Variants in OSBPL5 observed in about 807,000 individuals in gnomAD.
OSBPL5 encodes oxysterol-binding protein-related protein 5.
A neutral mutation model predicts 111.2 loss-of-function variants in OSBPL5; 71 were observed. That is an observed-to-expected ratio of 0.64 (90% CI 0.53 to 0.78). The LOEUF (loss-of-function observed/expected upper bound fraction) is 0.78, where lower values mean the gene tolerates loss of function less well. Among genes scored for constraint, OSBPL5 ranks in the 30% least tolerant of loss-of-function variants. OSBPL5 has a pLI of 0.00. For synonymous variants in OSBPL5, 549 were observed against 513.9 expected (o/e 1.07, Z -0.93); for missense variants, 1,210 against 1,189.3 (o/e 1.02, Z -0.26).
Position 3,090,586 on chromosome 11 carries a change from G to A in OSBPL5, c.2370C>T (p.Asp790=), listed in dbSNP as rs764853697. 7.4e-6 allele frequency: 12 copies of A among 1,612,954 alleles called. No individual in the cohort carries two copies. Among genetic ancestry groups the A allele is most frequent in the East Asian group, 2.2e-5 (1 of 44,884 alleles). ...GGACAAAGTCACCATCCTGCTCCTC[G>A]TCTGAGAGCTCTGGGCAGGACTCAG... is the stretch of plus-strand genomic sequence containing the variant. The part of the protein sequence containing the change: ...STPESCPELS[D]EEQDGDFVPG... The change falls in exon 20 of 22, where the codon GAC becomes GAT. Residue 790 remains aspartate, a synonymous_variant. Transcript: ENST00000263650.
rs776895845 is a variant in OSBPL5, at chr11:3,121,953, C to G, written c.402+44G>C. On this transcript the variant is annotated intron_variant, in intron 5 of 21. Coordinates refer to ENST00000263650, the MANE Select transcript of OSBPL5 (RefSeq NM_020896.4). The surrounding 1 kb of genome is among the most constrained non-coding windows in gnomAD (Gnocchi z 4.3). ...ATGGTCCTTTGTTATGGCAGCAGCACGCTGACCCGTGTCCTGGGTGGCCGG... is the reference window on the plus strand; with the variant it reads ...ATGGTCCTTTGTTATGGCAGCAGCAGGCTGACCCGTGTCCTGGGTGGCCGG... 2.0e-6 allele frequency: 3 copies of G among 1,507,696 alleles called. No homozygotes were observed. The highest frequency in any genetic ancestry group is 3.9e-5 in the Admixed American group (2 of 51,018). 93.4% of individuals were successfully genotyped at this position (1,507,696 alleles called of 1,614,324 possible).
intron 16 of OSBPL5, 40 bp from the exon 17 acceptor site, chr11:3,093,703 G>A (rs755182722): frequency 2.5e-5 from 40 of 1,612,462 alleles, no homozygotes; most frequent in East Asian, 1.8e-4. Flanking sequence ...CTGGCCTGGC[G>A]TTGACCGCCC....
chr11:3,095,681 G>GA (rs150518827), intron 14 of OSBPL5, among the ~76,000 whole-genome samples: 21,264 of 152,100 alleles, frequency 0.14, 1,713 homozygotes, highest in South Asian at 0.23. Flanking sequence ...GACAGCAGGG[G>GA]AAAAAAATCA....
chr11:3,150,380 G>C (rs577618776), intron 1 of OSBPL5, among the ~76,000 whole-genome samples: 4 of 152,154 alleles, frequency 2.6e-5, no homozygotes, highest in South Asian at 4.2e-4. Flanking sequence ...GTTGTCTTCC[G>C]GGCACCTGGG....
Position 3,154,039 on chromosome 11 carries a change from G to A in OSBPL5, c.-22+11177C>T, listed in dbSNP as rs147512833. On this transcript the variant is annotated intron_variant, in intron 1 of 21. Transcript: ENST00000263650. The surrounding 1 kb of genome is among the most constrained non-coding windows in gnomAD (Gnocchi z 4.9). ...CCCAGGGCAGGCCCGCAGCCCCCAA[G>A]GAAGGTCTGTGCCCGGGAAACACAT... is the stretch of plus-strand genomic sequence containing the variant. 6.6e-3 allele frequency among the ~76,000 whole-genome samples: 1,001 copies of A among 152,284 alleles called. 5 individuals carry two copies. The highest frequency in any genetic ancestry group is 0.011 in the Non-Finnish European group (743 of 68,000).
In OSBPL5 at chr11:3,105,777, C is replaced by T. The variant is rs941922912; in HGVS notation, c.1060-1400G>A. Among the ~76,000 whole-genome samples, 19 of 152,204 alleles carry T rather than the reference C, an allele frequency of 1.2e-4. No homozygotes were observed. Among genetic ancestry groups the T allele is most frequent in the African/African-American group, 3.1e-4 (13 of 41,450 alleles). On this transcript the variant is annotated intron_variant, in intron 9 of 21. Transcript: ENST00000263650. This position sits in a 1 kb window ranked among gnomAD's most constrained non-coding sequence, Gnocchi z 5.2. ...GGGCCCCTTGGCTGCCCGCTCCATG[C>T]CCTCTGCCCGGAGCCCCAGGCTCGC...
rs918855648 is a variant in OSBPL5 at position 3,126,192 on chromosome 11, A to T, written c.219+281T>A. 1.3e-5 allele frequency among the ~76,000 whole-genome samples: 2 copies of T among 152,146 alleles called. No individual in the cohort carries two copies. The highest frequency in any genetic ancestry group is 2.9e-5 in the Non-Finnish European group (2 of 68,038). On this transcript the variant is annotated intron_variant, in intron 3 of 21. Coordinates refer to ENST00000263650, the MANE Select transcript of OSBPL5 (RefSeq NM_020896.4). The surrounding 1 kb of genome is among the most constrained non-coding windows in gnomAD (Gnocchi z 6.5). Reference sequence around the variant, plus strand: ...ACCATGTGACCTAGCAATTCCAATTACTCTAGGTTTATACCTGAGAGAACT... The same window carrying T: ...ACCATGTGACCTAGCAATTCCAATTTCTCTAGGTTTATACCTGAGAGAACT...
chr11:3,143,390 T>C (rs981842640), intron 1 of OSBPL5, among the ~76,000 whole-genome samples: 4 of 152,162 alleles, frequency 2.6e-5, no homozygotes, highest in African/African-American at 9.6e-5. Flanking sequence ...CGCCCCCAGG[T>C]GGTCCGCGCA....
At chr11:3,143,205 CA>C (rs1243811492) in intron 1 of OSBPL5, among the ~76,000 whole-genome samples, 1 of 71,718 alleles carries the variant, frequency 1.4e-5, no homozygotes, top group African/African-American at 6.2e-5. Flanking sequence ...GAGGCAGGTG[CA>C]GAGGGGGGCA....
chr11:3,141,989 T>A lies in OSBPL5; in HGVS notation c.-21-12820A>T, dbSNP rs747652396. On this transcript the variant is annotated intron_variant, in intron 1 of 21. Transcript: ENST00000263650. The surrounding 1 kb of genome is among the most constrained non-coding windows in gnomAD (Gnocchi z 6.5). The stretch of plus-strand genomic sequence containing the variant: ...GTACAATGGCACGATCTTGGCTCAC[T>A]GCAACCTCTGTCTCCCGGGTTCAAG... Among the ~76,000 whole-genome samples, 1 of 152,220 alleles carries A rather than the reference T, an allele frequency of 6.6e-6. No individual in the cohort carries two copies. The highest frequency in any genetic ancestry group is 1.5e-5 in the Non-Finnish European group (1 of 68,032).
At chr11:3,157,056 C>T (rs1341400895) in intron 1 of OSBPL5, among the ~76,000 whole-genome samples, 1 of 152,250 alleles carries the variant, frequency 6.6e-6, no homozygotes, top group East Asian at 1.9e-4. Context: ...TCGCACAGGT[C>T]AGAACGTGAA....
chr11:3,108,593 C>T (rs760509260), intron 7 of OSBPL5, among the ~76,000 whole-genome samples: 5 of 152,218 alleles, frequency 3.3e-5, no homozygotes, highest in Non-Finnish European at 7.4e-5. Flanking sequence ...CCAAGCCCCA[C>T]TCTGGGCCCT....
intron 1 of OSBPL5, among the ~76,000 whole-genome samples, chr11:3,150,720 C>T (rs1304396834): frequency 6.6e-6 from 1 of 152,184 alleles, no homozygotes; most frequent in Non-Finnish European, 1.5e-5. Context: ...CCTGGGTGTC[C>T]CAGGCAGCTC....
intron 14 of OSBPL5, among the ~76,000 whole-genome samples, chr11:3,097,823 T>C (rs1300359853): frequency 6.6e-6 from 1 of 152,162 alleles, no homozygotes. Flanking sequence ...TCCCAGCACT[T>C]TGGGAGGCCG....
chr11:3,160,382 G>A (rs965131310), intron 1 of OSBPL5, among the ~76,000 whole-genome samples: 5 of 152,056 alleles, frequency 3.3e-5, no homozygotes, highest in African/African-American at 1.2e-4. Context: ...AGGCGGGCAG[G>A]AGCGGGACGC....
chr11:3,094,606 G>T (rs930441572), intron 14 of OSBPL5: 2 of 456,200 alleles, frequency 4.4e-6, no homozygotes, highest in Non-Finnish European at 8.0e-6. Context: ...CTCAGGGGCC[G>T]TCTCCCCCAC....
chr11:3,104,103 C>T lies in OSBPL5; in HGVS notation c.1244+90G>A. On this transcript the variant is annotated intron_variant, in intron 10 of 21. Transcript: ENST00000263650. This position sits in a 1 kb window ranked among gnomAD's most constrained non-coding sequence, Gnocchi z 5.0. ...TCAGCCATGGGATTCTCTGGAAGCC[C>T]CCACAGGGCAGGTAGGGGCTGGGGG... 1 of 1,413,108 alleles carries T rather than the reference C, an allele frequency of 7.1e-7. No homozygotes were observed. The highest frequency in any genetic ancestry group is 9.6e-7 in the Non-Finnish European group (1 of 1,046,112). The allele number at this position is 1,413,108 out of a possible 1,614,324, so 87.5% of individuals were successfully genotyped here. A position where few individuals can be genotyped will look rare whatever the true frequency, so the allele number is the denominator to read the frequency against.
rs1858799330 is a variant in OSBPL5 at position 3,130,810 on chromosome 11, A to T, written c.-21-1641T>A. On this transcript the variant is annotated intron_variant, in intron 1 of 21. Transcript: ENST00000263650. The surrounding 1 kb of genome is among the most constrained non-coding windows in gnomAD (Gnocchi z 4.5). ...TGCCGCAGGGAAGCAGGCAGATGGGAAGTCCTGCCCCTACTTGTCAATCAC... is the reference window on the plus strand; with the variant it reads ...TGCCGCAGGGAAGCAGGCAGATGGGTAGTCCTGCCCCTACTTGTCAATCAC... Among the ~76,000 whole-genome samples, 1 of 152,154 alleles carries T rather than the reference A, an allele frequency of 6.6e-6. No homozygotes were observed. The highest frequency in any genetic ancestry group is 2.4e-5 in the African/African-American group (1 of 41,444).
rs1387283164 is a variant in OSBPL5 at position 3,107,575 on chromosome 11, A to G, written c.867-120T>C. 7.2e-7 allele frequency: 1 copy of G among 1,380,268 alleles called. No homozygotes were observed. The highest frequency in any genetic ancestry group is 1.0e-6 in the Non-Finnish European group (1 of 994,498). The allele number at this position is 1,380,268 out of a possible 1,614,324, so 85.5% of individuals were successfully genotyped here. A position where few individuals can be genotyped will look rare whatever the true frequency, so the allele number is the denominator to read the frequency against. On this transcript the variant is annotated intron_variant, in intron 8 of 21. Transcript: ENST00000263650. The surrounding 1 kb of genome is among the most constrained non-coding windows in gnomAD (Gnocchi z 6.1). The stretch of plus-strand genomic sequence containing the variant: ...TACGTTCCTGCCTGTCGTCACCTCC[A>G]CAACCCACATTTGACACGATCAGCC...
Sources: allele counts gnomAD v4.1 joint callset (sites outside exome capture counted in the v4.1 genomes callset), GRCh38; gene constraint gnomAD v4.1.1; non-coding constraint Gnocchi (gnomAD v3.1); transcripts MANE v1.5; gene names NCBI Gene and HGNC (gene_info 2026-07-23, HGNC 2026-07-21).